Variants in HECW2 observed in about 807,000 individuals in gnomAD.
HECW2 encodes the protein HECT, C2 and WW domain containing E3 ubiquitin protein ligase 2.
A neutral mutation model predicts 175.2 loss-of-function variants in HECW2; 61 were observed. That is an observed-to-expected ratio of 0.35 (90% confidence interval 0.28 to 0.43). The LOEUF (loss-of-function observed/expected upper bound fraction) is 0.43, where lower values mean the gene tolerates loss of function less well. Ranked by LOEUF, HECW2 falls within the 20% of genes least tolerant of loss-of-function variation. HECW2 has a pLI of 1.00. For synonymous variants in HECW2, 671 were observed against 731.0 expected (o/e 0.92, Z 1.32); for missense variants, 1,524 against 2,000.5 (o/e 0.76, Z 4.54).
intron 23 of HECW2, among the ~76,000 whole-genome samples, chr2:196,223,677 G>A (rs960914295): frequency 1.3e-5 from 2 of 152,264 alleles, no homozygotes; most frequent in East Asian, 1.9e-4. Context: ...ATGATCAGAC[G>A]TGAAATGTGA....
chr2:196,395,703 GTT>G (rs3082114), intron 2 of HECW2, among the ~76,000 whole-genome samples: 1 of 138,634 alleles, frequency 7.2e-6, no homozygotes, highest in Admixed American at 6.9e-5. Context: ...GGATGACTAT[GTT>G]TTTTTTTTTT....
chr2:196,479,219 A>C (rs1400792957), intron 1 of HECW2, among the ~76,000 whole-genome samples: 1 of 152,214 alleles, frequency 6.6e-6, no homozygotes, highest in African/African-American at 2.4e-5. Context: ...CTTCTCTCCC[A>C]AAAGGAAATT....
intron 2 of HECW2, among the ~76,000 whole-genome samples, chr2:196,347,116 T>C (rs538154704): frequency 2.0e-5 from 3 of 151,094 alleles, no homozygotes; most frequent in Non-Finnish European, 2.9e-5. Context: ...ACAGTGGTGT[T>C]ATCTAAGCTC....
intron 1 of HECW2, among the ~76,000 whole-genome samples, chr2:196,444,988 C>T (rs1476088574): frequency 6.6e-6 from 1 of 152,170 alleles, no homozygotes; most frequent in Non-Finnish European, 1.5e-5. Flanking sequence ...CCAGCAGTGT[C>T]CATGCAATTC....
intron 21 of HECW2, among the ~76,000 whole-genome samples, chr2:196,237,822 C>T (rs7584688): frequency 0.97 from 148,437 of 152,318 alleles, 72,457 homozygotes; most frequent in East Asian, 1. Flanking sequence ...ACATACCCCA[C>T]GACTGGGATT....
chr2:196,208,964 G>A (rs1371244049), intron 28 of HECW2, among the ~76,000 whole-genome samples: 1 of 152,204 alleles, frequency 6.6e-6, no homozygotes, highest in Admixed American at 6.5e-5. Flanking sequence ...GTGGGATGCA[G>A]GAGAAGCAGG....
At chr2:196,389,477 T>C (rs898077902) in intron 2 of HECW2, among the ~76,000 whole-genome samples, 52 of 152,182 alleles carry the variant, frequency 3.4e-4, no homozygotes, top group African/African-American at 1.2e-3. Flanking sequence ...ACGAAAGCTC[T>C]GGAAGCCCTC....
chr2:196,564,088 G>A lies in HECW2; in HGVS notation c.-36+29420C>T, dbSNP rs549535540. ...CACAATCACCAGTAGCAGACATCCT[G>A]TGCCTTCTGATGGGAAGTAGTAGTG... On this transcript the variant is annotated intron_variant, in intron 1 of 28. Transcript: ENST00000644978. 3.7e-4 allele frequency among the ~76,000 whole-genome samples: 56 copies of A among 152,268 alleles called. No individual in the cohort carries two copies. In the South Asian group the frequency reaches 0.011, roughly 30 times the overall value.
intron 14 of HECW2, among the ~76,000 whole-genome samples, chr2:196,287,759 C>T: frequency 6.6e-6 from 1 of 152,130 alleles, no homozygotes; most frequent in East Asian, 1.9e-4. Flanking sequence ...ACCAGAAATA[C>T]CCACCTGGTG....
chr2:196,577,563 C>T (rs1184799515), intron 1 of HECW2, among the ~76,000 whole-genome samples: 4 of 152,098 alleles, frequency 2.6e-5, no homozygotes, highest in East Asian at 1.9e-4. Flanking sequence ...GACTCTAGAA[C>T]GCCACATGTA....
At position 196,292,760 on chromosome 2, in the gene HECW2, A is replaced by T. The variant is rs1238470169; in HGVS notation, c.2815-10T>A. On this transcript the variant is annotated splice_polypyrimidine_tract_variant and intron_variant, in intron 13 of 28. Transcript: ENST00000644978. ...ACATGCGGTAGGCACTCTAAAGAAA[A>T]GAATGGAGAACCAATGTTAACCCAC... The T allele has an allele frequency of 6.2e-7, 1 of 1,604,332 alleles. No homozygotes were observed. Among genetic ancestry groups the T allele is most frequent in the Non-Finnish European group, 8.5e-7 (1 of 1,172,362 alleles).
chr2:196,543,240 T>A (rs1189612955), intron 1 of HECW2, among the ~76,000 whole-genome samples: 2 of 151,182 alleles, frequency 1.3e-5, no homozygotes, highest in East Asian at 3.9e-4. Context: ...AAGTGAAGAG[T>A]GTCACATATT....
At chr2:196,259,564 AT>A (rs148712936) in intron 17 of HECW2, among the ~76,000 whole-genome samples, 5,384 of 149,912 alleles carry the variant, frequency 0.036, 177 homozygotes, top group East Asian at 0.16. Context: ...GCTAACTACT[AT>A]TTTTTTTTTA....
intron 22 of HECW2, 124 bp from the exon 23 acceptor site, chr2:196,225,994 G>A (rs1021091003): frequency 3.2e-6 from 2 of 623,696 alleles, no homozygotes; most frequent in Non-Finnish European, 5.9e-6. Context: ...TTGCCTACTA[G>A]GTAGTGAGAA....
At chr2:196,296,247 A>G (rs535583395) in intron 13 of HECW2, among the ~76,000 whole-genome samples, 1 of 152,292 alleles carries the variant, frequency 6.6e-6, no homozygotes, top group African/African-American at 2.4e-5. Context: ...TTCTAGTCTC[A>G]GCTCTGTCAC....
At chr2:196,497,630 C>G (rs561891827) in intron 1 of HECW2, among the ~76,000 whole-genome samples, 4 of 152,168 alleles carry the variant, frequency 2.6e-5, no homozygotes, top group Non-Finnish European at 5.9e-5. Flanking sequence ...TTCTCCCCAC[C>G]AAGGCTAGCT....
chr2:196,472,481 C>CAA (rs538116476), intron 1 of HECW2, among the ~76,000 whole-genome samples: 40 of 71,224 alleles, frequency 5.6e-4, no homozygotes, highest in East Asian at 2.2e-3. Flanking sequence ...GAGACTCCGT[C>CAA]AAAAAAAAAA....
At chr2:196,203,259 A>G (rs1240402650) in intron 28 of HECW2, among the ~76,000 whole-genome samples, 2 of 152,130 alleles carry the variant, frequency 1.3e-5, no homozygotes, top group Admixed American at 6.5e-5. Context: ...TTTTTGATAC[A>G]ATAAGCATTT....
chr2:196,268,459 T>C (rs1447098675), intron 17 of HECW2, among the ~76,000 whole-genome samples: 1 of 152,150 alleles, frequency 6.6e-6, no homozygotes, highest in Non-Finnish European at 1.5e-5. Context: ...TTTCAGACTC[T>C]AAAAAGCAGA....
Sources: gnomAD v4.1 joint callset for allele counts (sites outside exome capture counted in the v4.1 genomes callset) on GRCh38, gnomAD v4.1.1 for gene constraint, MANE v1.5 for transcripts, NCBI Gene and HGNC (gene_info 2026-07-23, HGNC 2026-07-21) for gene names.